The following CDH4 variants were observed in gnomAD, a reference collection of about 807,000 sequenced individuals.
The protein encoded by CDH4 is cadherin 4.
Under a neutral mutation model 86.0 loss-of-function variants are expected in CDH4, and 33 were observed. The observed-to-expected ratio is 0.38, with a 90% CI of 0.29 to 0.51. The LOEUF is 0.51. CDH4 is among the 20% of genes least tolerant of loss of function. CDH4 has a pLI of 0.86. For synonymous variants in CDH4, 555 were observed against 549.4 expected, an observed-to-expected ratio of 1.01 and a Z score of -0.14; for missense variants, 1,114 against 1,307.4, an observed-to-expected ratio of 0.85 and a Z score of 2.28.
At chr20:61,446,865 G>A (rs2085353373) in intron 2 of CDH4, among the ~76,000 whole-genome samples, 1 of 152,094 alleles carries the variant, frequency 6.6e-6, no homozygotes, top group African/African-American at 2.4e-5. Flanking sequence ...CAATTTGTTA[G>A]GGGAAAATTG....
intron 9 of CDH4, among the ~76,000 whole-genome samples, chr20:61,920,376 G>GTGC (rs1406219515): frequency 3.6e-5 from 2 of 55,124 alleles, no homozygotes. Context: ...GTCGTGATTG[G>GTGC]AAGCGTGGTG....
intron 2 of CDH4, among the ~76,000 whole-genome samples, chr20:61,422,971 T>C (rs1212881274): frequency 2.0e-5 from 3 of 152,172 alleles, no homozygotes; most frequent in Non-Finnish European, 4.4e-5. Flanking sequence ...CTTAAAACCT[T>C]ACACGGTGTG....
intron 2 of CDH4, among the ~76,000 whole-genome samples, chr20:61,333,670 T>C (rs149450427): frequency 1.3e-5 from 2 of 152,384 alleles, no homozygotes; most frequent in African/African-American, 2.4e-5. Flanking sequence ...CAGAGCTGCC[T>C]TCCCTTTACC....
intron 2 of CDH4, among the ~76,000 whole-genome samples, chr20:61,593,189 C>T (rs751102949): frequency 1.3e-5 from 2 of 152,234 alleles, no homozygotes; most frequent in Admixed American, 6.5e-5. Context: ...TTTGTTACAG[C>T]AGCAAAAGTA....
Position 61,684,400 on chromosome 20 carries a change from A to G in CDH4, c.170-59163A>G, listed in dbSNP as rs947097950. Among the ~76,000 whole-genome samples, 2 of 152,226 alleles carry G rather than the reference A, an allele frequency of 1.3e-5. No homozygotes were observed. The highest frequency in any genetic ancestry group is 2.9e-5 in the Non-Finnish European group (2 of 68,034). The stretch of plus-strand genomic sequence containing the variant: ...ACCTCCGTCTTGCTTATGCTGGTTA[A>G]GTAGGTCTGATGTTAACCAAGCCAA... On this transcript the variant is annotated intron_variant, in intron 2 of 15. Transcript: ENST00000614565. This position sits in a 1 kb window ranked among gnomAD's most constrained non-coding sequence, Gnocchi z 4.5.
rs375225841 is a variant in CDH4 at position 61,818,793 on chromosome 20, A to G, written c.577-25875A>G. Reference sequence around the variant, plus strand: ...TTGGGGATTCCAGGATGGTGGGCGGAAAGGAGCAGGTGGGCTTTCCAGGCA... The same window carrying G: ...TTGGGGATTCCAGGATGGTGGGCGGGAAGGAGCAGGTGGGCTTTCCAGGCA... On this transcript the variant is annotated intron_variant, in intron 4 of 15. Transcript: ENST00000614565. Among the ~76,000 whole-genome samples, 19 of 151,540 alleles carry G rather than the reference A, an allele frequency of 1.3e-4. No homozygotes were observed. The South Asian group carries it at 3.2e-3, about 25-fold the overall frequency.
At chr20:61,447,415 C>T (rs2085357404) in intron 2 of CDH4, among the ~76,000 whole-genome samples, 1 of 146,526 alleles carries the variant, frequency 6.8e-6, no homozygotes, top group Non-Finnish European at 1.5e-5. Context: ...CTCAGGTGAT[C>T]TGTCCACCTC....
At chr20:61,482,834 C>A (rs1293007271) in intron 2 of CDH4, among the ~76,000 whole-genome samples, 1 of 152,202 alleles carries the variant, frequency 6.6e-6, no homozygotes. Flanking sequence ...CAGGCCTGGT[C>A]CTCCACTGTA....
At chr20:61,442,207 A>G (rs368553929) in intron 2 of CDH4, among the ~76,000 whole-genome samples, 76 of 152,326 alleles carry the variant, frequency 5.0e-4, no homozygotes, top group African/African-American at 1.7e-3. Flanking sequence ...TGCACTTTTT[A>G]TAAATCCCAA....
At chr20:61,457,251 C>T (rs77781977) in intron 2 of CDH4, among the ~76,000 whole-genome samples, 3,530 of 152,182 alleles carry the variant, frequency 0.023, 140 homozygotes, top group African/African-American at 0.08. Context: ...TACCAACATC[C>T]CCAGTCACTT....
intron 2 of CDH4, among the ~76,000 whole-genome samples, chr20:61,686,494 C>T (rs934297383): frequency 7.2e-6 from 1 of 139,418 alleles, no homozygotes; most frequent in Non-Finnish European, 1.5e-5. Context: ...TGTGTGCATT[C>T]GCGTGTGTGT....
intron 2 of CDH4, among the ~76,000 whole-genome samples, chr20:61,477,967 G>A (rs1026003839): frequency 3.9e-5 from 6 of 152,198 alleles, no homozygotes; most frequent in Admixed American, 2.0e-4. Context: ...GTTGTGGAAA[G>A]TAAGACACCA....
At chr20:61,692,511 A>G (rs1391039109) in intron 2 of CDH4, among the ~76,000 whole-genome samples, 1 of 152,254 alleles carries the variant, frequency 6.6e-6, no homozygotes, top group Non-Finnish European at 1.5e-5. Flanking sequence ...AAGGATGAGA[A>G]AAAGTCCTGG....
At chr20:61,785,195 C>T (rs1398759253) in intron 4 of CDH4, among the ~76,000 whole-genome samples, 4 of 152,166 alleles carry the variant, frequency 2.6e-5, no homozygotes, top group African/African-American at 9.6e-5. Context: ...TATTCACACG[C>T]AGCCCTGGCC....
intron 8 of CDH4, among the ~76,000 whole-genome samples, chr20:61,899,169 G>A (rs1985267977): frequency 1.3e-5 from 2 of 151,912 alleles, no homozygotes; most frequent in South Asian, 4.2e-4. Flanking sequence ...GCCGGGTGTG[G>A]TGGTGCGCAC....
chr20:61,907,908 C>A (rs536991923), intron 8 of CDH4, among the ~76,000 whole-genome samples: 1 of 152,124 alleles, frequency 6.6e-6, no homozygotes, highest in Non-Finnish European at 1.5e-5. Context: ...AGGAAGGGCT[C>A]CTGCTCCACA....
At chr20:61,782,517 T>C (rs192660822) in intron 4 of CDH4, among the ~76,000 whole-genome samples, 53 of 152,270 alleles carry the variant, frequency 3.5e-4, no homozygotes, top group Non-Finnish European at 6.8e-4. Context: ...ATTATCATTT[T>C]TCTTTTAATT....
chr20:61,924,568 G>A (rs565377198), intron 11 of CDH4, 92 bp downstream of exon 11: 47 of 1,421,064 alleles, frequency 3.3e-5, no homozygotes, highest in East Asian at 4.7e-5. Context: ...GGGAGACCCC[G>A]AGAGGCCAGC....
intron 7 of CDH4, among the ~76,000 whole-genome samples, chr20:61,881,160 G>C (rs542190995): frequency 1.3e-5 from 2 of 152,234 alleles, no homozygotes; most frequent in South Asian, 2.1e-4. Flanking sequence ...GCAGAGCAGG[G>C]TCAGGACAGC....
Sources: gnomAD v4.1 joint callset for allele counts (sites outside exome capture counted in the v4.1 genomes callset) on GRCh38, gnomAD v4.1.1 for gene constraint, Gnocchi (gnomAD v3.1) non-coding constraint, MANE v1.5 for transcripts, NCBI Gene and HGNC (gene_info 2026-07-23, HGNC 2026-07-21) for gene names.